Variants in PPM1H observed in about 807,000 individuals in gnomAD.
PPM1H encodes the protein protein phosphatase, Mg2+/Mn2+ dependent 1H.
A neutral mutation model predicts 54.9 loss-of-function variants in PPM1H; 27 were observed. The ratio of observed to expected loss-of-function variants is 0.49; its 90% confidence interval spans 0.36 to 0.68. PPM1H has a LOEUF of 0.68. Among genes scored for constraint, PPM1H ranks in the 30% least tolerant of loss-of-function variants. The pLI is 0.00. For missense variants in PPM1H, 596 were observed against 667.8 expected, an observed-to-expected ratio of 0.89 and a Z score of 1.19; for synonymous variants, 305 against 270.8, an observed-to-expected ratio of 1.13 and a Z score of -1.24.
chr12:62,668,837 A>G (rs2075936699), intron 8 of PPM1H, among the ~76,000 whole-genome samples: 1 of 152,196 alleles, frequency 6.6e-6, no homozygotes, highest in Admixed American at 6.5e-5. Flanking sequence ...CAAGCCTCCT[A>G]TGTTTTAGAA....
intron 1 of PPM1H, among the ~76,000 whole-genome samples, chr12:62,892,840 C>T (rs1231712955): frequency 3.4e-5 from 5 of 148,446 alleles, no homozygotes; most frequent in African/African-American, 1.3e-4. Context: ...AGTGGATACT[C>T]CTTTAATTTA....
At chr12:62,836,613 A>G (rs374031471) in intron 1 of PPM1H, among the ~76,000 whole-genome samples, 80 of 152,144 alleles carry the variant, frequency 5.3e-4, no homozygotes, top group African/African-American at 1.7e-3. Context: ...ATTAAATTCT[A>G]TGACTTATTA....
At chr12:62,862,333 G>C (rs1869631151) in intron 1 of PPM1H, among the ~76,000 whole-genome samples, 2 of 150,660 alleles carry the variant, frequency 1.3e-5, no homozygotes, top group Non-Finnish European at 3.0e-5. Flanking sequence ...CTTTGAGAGA[G>C]GTTTTTGCAT....
At chr12:62,801,148 GT>G (rs2076766920) in intron 3 of PPM1H, among the ~76,000 whole-genome samples, 1 of 152,114 alleles carries the variant, frequency 6.6e-6, no homozygotes, top group South Asian at 2.1e-4. Context: ...CCTAAACCCT[GT>G]TTCCCCCAAC....
chr12:62,697,195 C>T (rs1020977707), intron 6 of PPM1H, among the ~76,000 whole-genome samples: 2 of 151,378 alleles, frequency 1.3e-5, no homozygotes, highest in African/African-American at 2.4e-5. Flanking sequence ...GGTGCGATCT[C>T]GGCTCACTGC....
rs1323068754 is a variant in PPM1H at position 62,899,715 on chromosome 12, C to G, written c.245+34777G>C. The stretch of plus-strand genomic sequence containing the variant: ...ACTCAACTGTAAAGACAACAAAGCT[C>G]AAACAGCCTCAGTCCTCACTAGGGT... On this transcript the variant is annotated intron_variant, in intron 1 of 9. Transcript: ENST00000228705. 2.0e-5 allele frequency among the ~76,000 whole-genome samples: 3 copies of G among 152,306 alleles called. No homozygotes were observed. In the East Asian group the frequency reaches 5.8e-4, roughly 29 times the overall value.
At chr12:62,835,316 A>G (rs934461032) in intron 1 of PPM1H, among the ~76,000 whole-genome samples, 1 of 152,256 alleles carries the variant, frequency 6.6e-6, no homozygotes, top group Admixed American at 6.5e-5. Flanking sequence ...ACTTCATTGC[A>G]TGCATATGAG....
intron 1 of PPM1H, among the ~76,000 whole-genome samples, chr12:62,871,868 AT>A (rs1249700477): frequency 6.6e-6 from 1 of 152,136 alleles, no homozygotes; most frequent in African/African-American, 2.4e-5. Flanking sequence ...TCATATCTCA[AT>A]TAAAAACAAA....
intron 8 of PPM1H, among the ~76,000 whole-genome samples, chr12:62,686,534 G>A (rs914890785): frequency 2.6e-5 from 4 of 152,126 alleles, no homozygotes; most frequent in Non-Finnish European, 4.4e-5. Context: ...TTGGAGGTCC[G>A]ACATTTATTG....
intron 1 of PPM1H, among the ~76,000 whole-genome samples, chr12:62,924,195 C>T (rs1042948822): frequency 3.3e-5 from 5 of 152,058 alleles, no homozygotes; most frequent in Admixed American, 3.3e-4. Flanking sequence ...TTTTGTAAGA[C>T]GAAACTGAGG....
chr12:62,815,408 T>A (rs1219085336), intron 2 of PPM1H, among the ~76,000 whole-genome samples: 1 of 152,248 alleles, frequency 6.6e-6, no homozygotes, highest in Non-Finnish European at 1.5e-5. Flanking sequence ...TAGACCTGTC[T>A]TAAAACATTA....
intron 7 of PPM1H, among the ~76,000 whole-genome samples, chr12:62,693,599 C>T (rs982709092): frequency 1.3e-5 from 2 of 152,246 alleles, no homozygotes; most frequent in African/African-American, 4.8e-5. Context: ...CTTGACCTGC[C>T]TCCTTGCTCG....
rs1026959863 is a variant in PPM1H at position 62,873,268 on chromosome 12, T to C, written c.246-40989A>G. ...CTACTGCCTAGGATAACCCCACAGC[T>C]CTGTACATCCTCAACTACACACATG... On this transcript the variant is annotated intron_variant, in intron 1 of 9. Coordinates refer to ENST00000228705, the MANE Select transcript of PPM1H (RefSeq NM_020700.2). Among the ~76,000 whole-genome samples, 6 of 152,188 alleles carry C rather than the reference T, an allele frequency of 3.9e-5. No homozygotes were observed. The East Asian group carries it at 1.2e-3, about 29-fold the overall frequency.
rs1036145388 is a variant in PPM1H at position 62,922,632 on chromosome 12, G to A, written c.245+11860C>T. Among the ~76,000 whole-genome samples, 5 of 152,134 alleles carry A rather than the reference G, an allele frequency of 3.3e-5. No individual in the cohort carries two copies. The East Asian group carries it at 5.8e-4, about 18-fold the overall frequency. Reference sequence around the variant, plus strand: ...AGCTAGGCAGTTAAATTTTACAGCCGTTTAGAGAAAACTGAGTCAGAAATA... The same window carrying A: ...AGCTAGGCAGTTAAATTTTACAGCCATTTAGAGAAAACTGAGTCAGAAATA... On this transcript the variant is annotated intron_variant, in intron 1 of 9. Transcript: ENST00000228705.
chr12:62,750,759 CTA>C (rs915808804), intron 4 of PPM1H, among the ~76,000 whole-genome samples: 8 of 152,162 alleles, frequency 5.3e-5, no homozygotes, highest in South Asian at 4.1e-4. Flanking sequence ...TTAAAGGACT[CTA>C]GAGTTCAAAC....
chr12:62,661,586 G>T (rs1001797967), intron 9 of PPM1H, among the ~76,000 whole-genome samples: 5 of 152,086 alleles, frequency 3.3e-5, no homozygotes, highest in Non-Finnish European at 7.4e-5. Flanking sequence ...TAGTATAGAC[G>T]GGGTTTCGCC....
rs554018155 is a variant in PPM1H at position 62,763,919 on chromosome 12, G to C, written c.869+24307C>G. 5.9e-5 allele frequency among the ~76,000 whole-genome samples: 9 copies of C among 152,256 alleles called. No individual in the cohort carries two copies. In the East Asian group the frequency reaches 1.7e-3, roughly 29 times the overall value. ...TGAACATGTGGGGTGAGCTTTGAGA[G>C]AGCCGACGTCCTAAGATAGAGGAAC... On this transcript the variant is annotated intron_variant, in intron 4 of 9. Transcript: ENST00000228705.
intron 1 of PPM1H, among the ~76,000 whole-genome samples, chr12:62,843,887 A>G (rs1460623507): frequency 6.6e-6 from 1 of 152,196 alleles, no homozygotes; most frequent in Non-Finnish European, 1.5e-5. Context: ...TATCTGATCA[A>G]ATATTTTTAC....
intron 9 of PPM1H, among the ~76,000 whole-genome samples, chr12:62,666,597 G>A (rs574618650): frequency 6.6e-6 from 1 of 152,206 alleles, no homozygotes; most frequent in African/African-American, 2.4e-5. Context: ...GGATAGCTTA[G>A]AGGAAGTAAA....
Sources: gnomAD v4.1 joint callset for allele counts (sites outside exome capture counted in the v4.1 genomes callset) on GRCh38, gnomAD v4.1.1 for gene constraint, MANE v1.5 for transcripts, NCBI Gene and HGNC (gene_info 2026-07-23, HGNC 2026-07-21) for gene names.